The following KIF5A variants were observed in gnomAD, a reference collection of about 807,000 sequenced individuals.
KIF5A encodes the protein kinesin family member 5A.
In KIF5A, 35 loss-of-function variants were observed where a neutral mutation model predicts 141.3. That is an observed-to-expected ratio of 0.25 (90% CI 0.19 to 0.33). KIF5A has a LOEUF of 0.33. Among genes scored for constraint, KIF5A ranks in the 10% least tolerant of loss-of-function variants. The pLI, the probability that KIF5A is intolerant of heterozygous loss-of-function variation, is 1.00. For missense variants in KIF5A, 861 were observed against 1,314.3 expected (o/e 0.66, Z 5.33); for synonymous variants, 448 against 500.2 (o/e 0.90, Z 1.39).
At chr12:57,581,368 A>C (rs1038128247) in intron 24 of KIF5A, 47 bp from the exon 25 acceptor site, 2 of 1,611,346 alleles carry the variant, frequency 1.2e-6, no homozygotes, top group Admixed American at 3.3e-5. Context: ...ACCAGGGCAA[A>C]TGCAGGGTCA....
chr12:57,562,238 G>A (rs559909838), intron 1 of KIF5A, among the ~76,000 whole-genome samples: 12 of 151,862 alleles, frequency 7.9e-5, no homozygotes, highest in Non-Finnish European at 1.8e-4. Flanking sequence ...TTTTTGAGAC[G>A]AAGTCTTGCT....
chr12:57,564,375 G>T, intron 4 of KIF5A, 85 bp from the exon 5 acceptor site: 2 of 1,140,354 alleles, frequency 1.8e-6, no homozygotes, highest in South Asian at 1.2e-5. Context: ...ACCACCGTTT[G>T]AGCAGGTCAC....
At chr12:57,582,891 C>A (rs193099106) in intron 27 of KIF5A, 4 of 642,978 alleles carry the variant, frequency 6.2e-6, no homozygotes, top group African/African-American at 5.4e-5. Flanking sequence ...GGGCATCTGA[C>A]GACTGGGTTT....
chr12:57,581,989 C>T, intron 26 of KIF5A, 37 bp downstream of exon 26: 1 of 1,545,560 alleles, frequency 6.5e-7, no homozygotes, highest in Non-Finnish European at 8.9e-7. Flanking sequence ...CCTTTGGGGT[C>T]CTCAGGGCAA....
chr12:57,572,115 C>G lies in KIF5A; in HGVS notation c.1417C>G (p.Leu473Val), dbSNP rs1318552404. 1 of 1,614,004 alleles carries G rather than the reference C, an allele frequency of 6.2e-7. No individual in the cohort carries two copies. Among genetic ancestry groups the G allele is most frequent in the Non-Finnish European group, 8.5e-7 (1 of 1,180,040 alleles). Residue 473 changes from leucine (L) to valine (V), a missense_variant, in exon 14 of 29, where the codon CTG (leucine) becomes GTG (valine). Around this residue, in one of 5 missense-constraint regions of KIF5A, gnomAD observed 167 missense variants for 192.0 expected, o/e 0.87. Transcript: ENST00000455537. The surrounding 1 kb of genome is among the most constrained non-coding windows in gnomAD (Gnocchi z 4.2). Reference sequence around the variant, plus strand: ...GAAGGTCCAGCGGGAGCTGAGCCACCTGCAATCAGAGAACGATGCCGCTAA... The same window carrying G: ...GAAGGTCCAGCGGGAGCTGAGCCACGTGCAATCAGAGAACGATGCCGCTAA... ...NEKVQRELSH[L>V]QSENDAAKDE...
chr12:57,554,444 T>G (rs1715344298), intron 1 of KIF5A, among the ~76,000 whole-genome samples: 1 of 152,214 alleles, frequency 6.6e-6, no homozygotes, highest in Non-Finnish European at 1.5e-5. Context: ...ACAAGCTAGC[T>G]TTGACAAAAT....
At chr12:57,555,908 CAAAAAAA>C (rs763843453) in intron 1 of KIF5A, among the ~76,000 whole-genome samples, 2 of 92,316 alleles carry the variant, frequency 2.2e-5, no homozygotes, top group Admixed American at 1.2e-4. Context: ...AACTCTATCT[CAAAAAAA>C]AAAAAAAAAG....
chr12:57,573,230 G>A (rs574245562), intron 15 of KIF5A, among the ~76,000 whole-genome samples: 6 of 151,938 alleles, frequency 3.9e-5, no homozygotes, highest in Non-Finnish European at 8.8e-5. Flanking sequence ...AACGGGTGCT[G>A]AATAAAGAAG....
At chr12:57,560,988 CAA>C (rs1011237597) in intron 1 of KIF5A, among the ~76,000 whole-genome samples, 3 of 151,844 alleles carry the variant, frequency 2.0e-5, no homozygotes, top group Non-Finnish European at 2.9e-5. Flanking sequence ...GACCCTGACT[CAA>C]GAAAAAGAAA....
At chr12:57,578,936 C>T (rs1217010111) in intron 23 of KIF5A, among the ~76,000 whole-genome samples, 1 of 152,130 alleles carries the variant, frequency 6.6e-6, no homozygotes, top group Non-Finnish European at 1.5e-5. Context: ...TGGTGGCACA[C>T]ACCCATAGTC....
chr12:57,569,250 C>G lies in KIF5A; in HGVS notation c.820-6C>G, dbSNP rs1882167555. On this transcript the variant is annotated splice_region_variant and splice_polypyrimidine_tract_variant and intron_variant, in intron 9 of 28. Transcript: ENST00000455537. ...TTTCTGATTCCTGGTCTCCTTCCTCCCCCAGAAAAGCTATGTTCCATATCG... is the reference window on the plus strand; with the variant it reads ...TTTCTGATTCCTGGTCTCCTTCCTCGCCCAGAAAAGCTATGTTCCATATCG... 2 of 1,613,826 alleles carry G rather than the reference C, an allele frequency of 1.2e-6. No individual in the cohort carries two copies. Among genetic ancestry groups the G allele is most frequent in the Non-Finnish European group, 1.7e-6 (2 of 1,179,866 alleles).
intron 20 of KIF5A, 41 bp downstream of exon 20, chr12:57,576,903 G>A (rs1167202779): frequency 1.4e-6 from 2 of 1,455,656 alleles, no homozygotes; most frequent in African/African-American, 2.8e-5. Context: ...CAGCCTTGTA[G>A]GCTCAGAACT....
chr12:57,583,388 C>T (rs1882666730), intron 28 of KIF5A, among the ~76,000 whole-genome samples, 173 bp downstream of exon 28: 1 of 152,142 alleles, frequency 6.6e-6, no homozygotes, highest in Non-Finnish European at 1.5e-5. Flanking sequence ...TGTGCTGCCC[C>T]ATGTAATCTG....
chr12:57,570,618 CTG>C (rs2140164239), intron 12 of KIF5A, among the ~76,000 whole-genome samples: 1 of 152,194 alleles, frequency 6.6e-6, no homozygotes, highest in East Asian at 1.9e-4. Context: ...AGGCTGACCT[CTG>C]GCGATCCGCC....
rs777903778 is a variant in KIF5A at position 57,578,282 on chromosome 12, A to C, written c.2478A>C (p.Gln826His). The change falls in exon 23 of 29, where the codon CAA becomes CAC. Residue 826 changes from glutamine to histidine, a missense_variant. Physicochemically the swap from Gln to His is conservative, Grantham distance 24. This residue lies in a region of KIF5A where 482 missense variants were observed against 661.3 expected (regional missense o/e 0.73). Transcript: ENST00000455537. ...AAGACAGTGGGGGGATTCACTCCCA[A>C]AAGCAGAAGATTTCCTTTCTTGAGA... ...EPEDSGGIHS[Q>H]KQKISFLENN... The C allele has an allele frequency of 5.6e-6, 9 of 1,614,144 alleles. No homozygotes were observed. The highest frequency in any genetic ancestry group is 1.7e-5 in the Admixed American group (1 of 60,028).
At chr12:57,577,882 C>A in intron 21 of KIF5A, 109 bp downstream of exon 21, 2 of 1,259,140 alleles carry the variant, frequency 1.6e-6, no homozygotes, top group Non-Finnish European at 2.3e-6. Context: ...GTAGCGTAAT[C>A]AAGACACATT....
At chr12:57,583,044 G>C in intron 27 of KIF5A, 57 bp from the exon 28 acceptor site, 5 of 1,386,420 alleles carry the variant, frequency 3.6e-6, no homozygotes, top group Non-Finnish European at 5.1e-6. Context: ...GAGTAACCAT[G>C]ATGACAGGAA....
At chr12:57,563,840 G>A (rs1881983953) in intron 3 of KIF5A, 147 bp downstream of exon 3, 3 of 796,478 alleles carry the variant, frequency 3.8e-6, no homozygotes, top group Non-Finnish European at 6.5e-6. Context: ...GGCAATATTA[G>A]GGGAAGTTTA....
In KIF5A at chr12:57,574,275, A is replaced by ATT. The variant is rs34395550; in HGVS notation, c.1717-795_1717-794dup. Among the ~76,000 whole-genome samples, 1,158 of 142,450 alleles carry ATT rather than the reference A, an allele frequency of 8.1e-3. 25 individuals are homozygous for ATT. The highest frequency in any genetic ancestry group is 0.071 in the East Asian group (337 of 4,732). The allele number at this position is 142,450 out of a possible 152,430, so 93.5% of individuals were successfully genotyped here. Reference sequence around the variant, plus strand: ...GTAAGTGGGGGACTGTCAGAATTGGATTTTTTTTTTTTTTTGAGATGGAGT... The same window carrying ATT: ...GTAAGTGGGGGACTGTCAGAATTGGATTTTTTTTTTTTTTTTTGAGATGGAGT... On this transcript the variant is annotated intron_variant, in intron 15 of 28. Coordinates refer to ENST00000455537, the MANE Select transcript of KIF5A (RefSeq NM_004984.4).
Sources: allele counts gnomAD v4.1 joint callset (sites outside exome capture counted in the v4.1 genomes callset), GRCh38; gene constraint gnomAD v4.1.1; regional missense constraint gnomAD v4.1.1; non-coding constraint Gnocchi (gnomAD v3.1); transcripts MANE v1.5; gene names NCBI Gene and HGNC (gene_info 2026-07-23, HGNC 2026-07-21).